Variants in MAPK14 observed in about 807,000 individuals in gnomAD.
The protein encoded by MAPK14 is CSAID-binding protein.
In MAPK14, 16 loss-of-function variants were observed where a neutral mutation model predicts 49.6. The observed-to-expected ratio is 0.32, with a 90% CI of 0.22 to 0.49. The LOEUF is 0.49. Ranked by LOEUF, MAPK14 falls within the 20% of genes least tolerant of loss-of-function variation. The pLI, the probability that MAPK14 is intolerant of heterozygous loss-of-function variation, is 0.99. For synonymous variants in MAPK14, 142 were observed against 158.0 expected, an observed-to-expected ratio of 0.90 and a Z score of 0.76; for missense variants, 200 against 441.2, an observed-to-expected ratio of 0.45 and a Z score of 4.90.
At chr6:36,055,351 T>G (rs1367072823) in intron 2 of MAPK14, among the ~76,000 whole-genome samples, 3 of 152,360 alleles carry the variant, frequency 2.0e-5, no homozygotes, top group Admixed American at 2.0e-4. Context: ...AGAGATTGTT[T>G]TGGTGTGCTT....
chr6:36,091,844 C>CTTTTTTTTTTTTTTTTTTTTTTTTT (rs1185804651), intron 8 of MAPK14: 1 of 124,848 alleles, frequency 8.0e-6, no homozygotes. Flanking sequence ...CTTTTCTTTT[C>CTTTTTTTTTTTTTTTTTTTTTTTTT]TTTTTTTTTT....
rs1765902217 is a variant in MAPK14, at chr6:36,109,558, A to G, written c.*1111A>G. On this transcript the variant is annotated 3_prime_UTR_variant, in exon 12 of 12. Coordinates refer to ENST00000229794, the MANE Select transcript of MAPK14 (RefSeq NM_139012.3). ...CAGCCCCTAGTGCTATTCTGTGTTG[A>G]ACACAATTGATACTTCAGGTGCTTT... 6.6e-6 allele frequency: 1 copy of G among 152,630 alleles called. No individual in the cohort carries two copies. The highest frequency in any genetic ancestry group is 6.5e-5 in the Admixed American group (1 of 15,274). 9.5% of individuals were successfully genotyped at this position (152,630 alleles called of 1,614,324 possible). A position where few individuals can be genotyped will look rare whatever the true frequency, so the allele number is the denominator to read the frequency against.
intron 2 of MAPK14, among the ~76,000 whole-genome samples, chr6:36,055,086 G>T (rs1455342920): frequency 6.6e-6 from 1 of 152,230 alleles, no homozygotes; most frequent in Admixed American, 6.5e-5. Context: ...GACTGTGAGA[G>T]TTTCTCTCTG....
rs547906366 is a variant in MAPK14, at chr6:36,088,609, C to T, written c.683-7378C>T. On this transcript the variant is annotated intron_variant, in intron 8 of 11. Coordinates refer to ENST00000229794, the MANE Select transcript of MAPK14 (RefSeq NM_139012.3). Reference sequence around the variant, plus strand: ...TGGTGGTGTGCGCCTGTAGTCCCAGCTACTCAGGAGGCTGGGGCAGGAGAA... The same window carrying T: ...TGGTGGTGTGCGCCTGTAGTCCCAGTTACTCAGGAGGCTGGGGCAGGAGAA... 5.9e-5 allele frequency among the ~76,000 whole-genome samples: 9 copies of T among 151,986 alleles called. No individual in the cohort carries two copies. The East Asian group carries it at 1.7e-3, about 29-fold the overall frequency.
downstream of MAPK14, among the ~76,000 whole-genome samples, chr6:36,112,621 T>C (rs1446650038): frequency 1.3e-5 from 2 of 152,138 alleles, no homozygotes; most frequent in African/African-American, 4.8e-5. Context: ...TCATCAGTTT[T>C]CAGAAGGCCT....
At chr6:36,105,387 C>T (rs1765769300) in intron 10 of MAPK14, among the ~76,000 whole-genome samples, 2 of 151,702 alleles carry the variant, frequency 1.3e-5, no homozygotes, top group African/African-American at 4.8e-5. Flanking sequence ...AGACAACAGG[C>T]ACATAATGCC....
chr6:36,112,641 T>C (rs765060545), downstream of MAPK14, among the ~76,000 whole-genome samples: 10 of 152,240 alleles, frequency 6.6e-5, no homozygotes, highest in Non-Finnish European at 4.4e-5. Context: ...TCTTGATATT[T>C]TGATATTCAC....
chr6:36,086,371 T>C (rs1169056835), intron 8 of MAPK14, among the ~76,000 whole-genome samples: 1 of 152,054 alleles, frequency 6.6e-6, no homozygotes, highest in Non-Finnish European at 1.5e-5. Flanking sequence ...TCCCAAGATC[T>C]GGTATTTTGA....
At chr6:36,097,881 A>C (rs1765498485) in intron 9 of MAPK14, 1 of 151,936 alleles carries the variant, frequency 6.6e-6, no homozygotes, top group Non-Finnish European at 1.5e-5. Flanking sequence ...AACTCAAATA[A>C]TATTATATTG....
downstream of MAPK14, among the ~76,000 whole-genome samples, chr6:36,112,595 A>G (rs1002133631): frequency 6.6e-6 from 1 of 152,252 alleles, no homozygotes; most frequent in Admixed American, 6.5e-5. Context: ...AAGTTTTGCA[A>G]AAATATTTGA....
In MAPK14 at chr6:36,075,837, C is replaced by G. The variant is rs1465423450; in HGVS notation, c.496-11C>G. 6.2e-7 allele frequency: 1 copy of G among 1,613,432 alleles called. No individual in the cohort carries two copies. The highest frequency in any genetic ancestry group is 1.3e-5 in the African/African-American group (1 of 74,800). On this transcript the variant is annotated splice_polypyrimidine_tract_variant and intron_variant, in intron 6 of 11. Transcript: ENST00000229794. ...TCTTAGCAGTTTGTCTGTTCCTCTTCTGCCCTTTAGATTCTGGATTTTGGA... is the reference window on the plus strand; with the variant it reads ...TCTTAGCAGTTTGTCTGTTCCTCTTGTGCCCTTTAGATTCTGGATTTTGGA...
intron 8 of MAPK14, among the ~76,000 whole-genome samples, chr6:36,081,370 G>A (rs921356164): frequency 8.5e-5 from 13 of 152,118 alleles, no homozygotes; most frequent in African/African-American, 2.9e-4. Flanking sequence ...TTTTATAGAT[G>A]ATGTGAGGTA....
chr6:36,071,426 T>C (rs1486686101), intron 3 of MAPK14, among the ~76,000 whole-genome samples: 2 of 152,192 alleles, frequency 1.3e-5, no homozygotes, highest in Admixed American at 1.3e-4. Flanking sequence ...TAAGGCATTG[T>C]GTCTAGAATA....
the MAPK14 span, among the ~76,000 whole-genome samples, chr6:36,116,593 G>A: frequency 6.6e-6 from 1 of 152,110 alleles, no homozygotes; most frequent in East Asian, 1.9e-4. Flanking sequence ...GCCCGTGCAT[G>A]CTCATATCAG....
chr6:36,036,733 A>ATATT (rs138910796), intron 1 of MAPK14, among the ~76,000 whole-genome samples: 16,124 of 151,678 alleles, frequency 0.11, 1,609 homozygotes, highest in East Asian at 0.5. Flanking sequence ...TAGCAAAAAA[A>ATATT]TATTTATTTA....
downstream of MAPK14, among the ~76,000 whole-genome samples, chr6:36,111,850 T>C (rs115321900): frequency 7.7e-3 from 1,174 of 152,252 alleles, 19 homozygotes; most frequent in African/African-American, 0.025. Context: ...CCCCAGTGAC[T>C]TCGTAAGGAG....
intron 8 of MAPK14, among the ~76,000 whole-genome samples, chr6:36,088,393 A>C (rs377347634): frequency 1.5e-3 from 225 of 152,296 alleles, no homozygotes; most frequent in African/African-American, 5.1e-3. Flanking sequence ...ATCTACAAGG[A>C]ATTTAAACAA....
chr6:36,044,756 C>G (rs529639195), intron 1 of MAPK14, among the ~76,000 whole-genome samples: 39 of 152,210 alleles, frequency 2.6e-4, no homozygotes, highest in Non-Finnish European at 4.9e-4. Flanking sequence ...ATTGATAGCT[C>G]CAGTCATCTT....
intron 8 of MAPK14, among the ~76,000 whole-genome samples, chr6:36,087,440 G>A (rs561232615): frequency 6.6e-6 from 1 of 152,148 alleles, no homozygotes; most frequent in African/African-American, 2.4e-5. Context: ...AAAGTCTCGG[G>A]ATACAAAATC....
Sources: allele counts gnomAD v4.1 joint callset (sites outside exome capture counted in the v4.1 genomes callset), GRCh38; gene constraint gnomAD v4.1.1; transcripts MANE v1.5; gene names NCBI Gene and HGNC (gene_info 2026-07-23, HGNC 2026-07-21).